AP4S1: variants seen among roughly 807,000 people sequenced by gnomAD.
AP4S1 encodes AP-4 complex subunit sigma-1.
In AP4S1, 23 loss-of-function variants were observed where a neutral mutation model predicts 19.8. That is an observed-to-expected ratio of 1.16 (90% CI 0.84 to 1.65). The LOEUF (loss-of-function observed/expected upper bound fraction) is 1.65, where lower values mean the gene tolerates loss of function less well. Among genes scored for constraint, AP4S1 ranks in the 40% most tolerant of loss-of-function variants. The pLI, the probability that AP4S1 is intolerant of heterozygous loss-of-function variation, is 0.00. For missense variants in AP4S1, 166 were observed against 172.8 expected, an observed-to-expected ratio of 0.96 and a Z score of 0.22; for synonymous variants, 46 against 54.1, an observed-to-expected ratio of 0.85 and a Z score of 0.66.
chr14:31,025,326 G>A (rs1346157106), upstream of AP4S1: 1 of 155,450 alleles, frequency 6.4e-6, no homozygotes, highest in Admixed American at 6.2e-5. Flanking sequence ...GTTGACGATG[G>A]GAAATAAAAC....
At chr14:31,086,894 TGTTG>T (rs1037051810) in intron 5 of AP4S1, among the ~76,000 whole-genome samples, 15 of 151,874 alleles carry the variant, frequency 9.9e-5, no homozygotes, top group Non-Finnish European at 2.1e-4. Flanking sequence ...GGTCTTGCTC[TGTTG>T]CCCAGGCTTG....
At chr14:31,054,757 A>G (rs191790912) in intron 1 of AP4S1, among the ~76,000 whole-genome samples, 2 of 150,296 alleles carry the variant, frequency 1.3e-5, no homozygotes, top group African/African-American at 4.9e-5. Flanking sequence ...AGTCCCAGCT[A>G]CTCTGGAGGC....
chr14:31,025,672 C>A lies in AP4S1; in HGVS notation c.-187C>A. On this transcript the variant is annotated 5_prime_UTR_variant, in exon 1 of 6. Transcript: ENST00000542754. ...ATACTAAAAGCCAAAATGGCTGCCC[C>A]GAGGAGGCCCGCACCGCGTAGCCAG... 3 of 654,136 alleles carry A rather than the reference C, an allele frequency of 4.6e-6. No individual in the cohort carries two copies. In the South Asian group the frequency reaches 6.0e-5, roughly 13 times the overall value. The allele number at this position is 654,136 out of a possible 1,614,324, so 40.5% of individuals were successfully genotyped here.
chr14:31,091,612 A>C (rs966762378), intron 5 of AP4S1, among the ~76,000 whole-genome samples: 6 of 151,694 alleles, frequency 4.0e-5, no homozygotes, highest in Non-Finnish European at 5.9e-5. Flanking sequence ...ATTTGCACAG[A>C]GCTTAATGAG....
At position 31,031,958 on chromosome 14, in the gene AP4S1, G is replaced by A. The variant is rs148695551; in HGVS notation, c.-72+6171G>A. ...CAAAAAATAAAACAATTAACTGGGC[G>A]TGGTGGCAGGTGCCTGTAGTCCCAG... On this transcript the variant is annotated intron_variant, in intron 1 of 5. Coordinates refer to ENST00000542754, the MANE Select transcript of AP4S1 (RefSeq NM_001128126.3). Among the ~76,000 whole-genome samples the A allele has an allele frequency of 2.5e-4, 38 of 152,100 alleles. No individual in the cohort carries two copies. The East Asian group carries it at 6.2e-3, about 25-fold the overall frequency.
In AP4S1 at chr14:31,040,148, C is replaced by CTTT. The variant is rs148109049; in HGVS notation, c.-72+14377_-72+14379dup. On this transcript the variant is annotated intron_variant, in intron 1 of 5. Transcript: ENST00000542754. ...TGTGTAAAGTCAAATTACTCTGCAT[C>CTTT]TTTTTTTTTTTTTTTTTTCCTGAGA... is the stretch of plus-strand genomic sequence containing the variant. Among the ~76,000 whole-genome samples the CTTT allele has an allele frequency of 3.2e-3, 412 of 129,492 alleles. 4 individuals are homozygous for CTTT. Among genetic ancestry groups the CTTT allele is most frequent in the African/African-American group, 1.0e-2 (345 of 34,530 alleles). The allele number at this position is 129,492 out of a possible 152,430, so 85.0% of individuals were successfully genotyped here.
At chr14:31,052,444 G>C (rs1203550494) in intron 1 of AP4S1, among the ~76,000 whole-genome samples, 1 of 151,942 alleles carries the variant, frequency 6.6e-6, no homozygotes, top group Non-Finnish European at 1.5e-5. Context: ...AAAATCATTG[G>C]CCAAGCATGG....
rs74877958 is a variant in AP4S1, at chr14:31,069,180, G to A, written c.139-663G>A. 6.8e-3 allele frequency among the ~76,000 whole-genome samples: 1,035 copies of A among 152,198 alleles called. 60 individuals carry two copies. In the East Asian group the frequency reaches 0.11, roughly 16 times the overall value. On this transcript the variant is annotated intron_variant, in intron 2 of 5. Coordinates refer to ENST00000542754, the MANE Select transcript of AP4S1 (RefSeq NM_001128126.3). Reference sequence around the variant, plus strand: ...ACTCAGCGCCTTCCCATAACTCTTTGTACAAAGGTGATAGGAAAGGGATGA... The same window carrying A: ...ACTCAGCGCCTTCCCATAACTCTTTATACAAAGGTGATAGGAAAGGGATGA...
At chr14:31,047,069 G>T (rs895903003) in intron 1 of AP4S1, among the ~76,000 whole-genome samples, 1 of 152,108 alleles carries the variant, frequency 6.6e-6, no homozygotes, top group African/African-American at 2.4e-5. Context: ...TCTTACTGGG[G>T]TTTAAAACCA....
At chr14:31,082,538 C>A (rs1411989889) in intron 5 of AP4S1, among the ~76,000 whole-genome samples, 4 of 152,222 alleles carry the variant, frequency 2.6e-5, no homozygotes, top group African/African-American at 9.6e-5. Flanking sequence ...GGTCTTGCCA[C>A]TGACTAGCTG....
chr14:31,044,216 A>AT (rs1487355642), intron 1 of AP4S1, among the ~76,000 whole-genome samples: 34 of 152,334 alleles, frequency 2.2e-4, no homozygotes, highest in African/African-American at 7.7e-4. Flanking sequence ...GTTAAGCAAA[A>AT]TGCACTTTAC....
At chr14:31,030,020 A>T (rs996591556) in intron 1 of AP4S1, among the ~76,000 whole-genome samples, 1 of 150,380 alleles carries the variant, frequency 6.6e-6, no homozygotes, top group Non-Finnish European at 1.5e-5. Flanking sequence ...TCACTCTGTC[A>T]CCCAGGCTGG....
chr14:31,067,208 CAA>C (rs55659438), intron 2 of AP4S1, among the ~76,000 whole-genome samples: 2,086 of 140,532 alleles, frequency 0.015, 17 homozygotes, highest in Middle Eastern at 0.021. Context: ...AACTCTGTCT[CAA>C]AAAAAAAAAA....
intron 4 of AP4S1, among the ~76,000 whole-genome samples, chr14:31,079,803 GC>G (rs1180859749): frequency 6.6e-6 from 1 of 152,100 alleles, no homozygotes; most frequent in Non-Finnish European, 1.5e-5. Context: ...TCCAGCCTGG[GC>G]GACAGACTGA....
At chr14:31,064,519 A>C (rs1158097134) in intron 1 of AP4S1, among the ~76,000 whole-genome samples, 1 of 152,084 alleles carries the variant, frequency 6.6e-6, no homozygotes, top group African/African-American at 2.4e-5. Flanking sequence ...CCAAGGATTC[A>C]CCATATTGGC....
intron 4 of AP4S1, among the ~76,000 whole-genome samples, chr14:31,075,796 A>G (rs982405267): frequency 6.6e-6 from 1 of 150,608 alleles, no homozygotes; most frequent in South Asian, 2.1e-4. Context: ...CTGGAGTGCA[A>G]TGGCGTGCTC....
At chr14:31,048,584 C>A (rs1885553175) in intron 1 of AP4S1, among the ~76,000 whole-genome samples, 3 of 151,916 alleles carry the variant, frequency 2.0e-5, no homozygotes, top group Admixed American at 1.3e-4. Flanking sequence ...GCCAAAAATA[C>A]AAAAATTAGC....
intron 1 of AP4S1, among the ~76,000 whole-genome samples, chr14:31,051,749 CT>C (rs1381555513): frequency 2.6e-5 from 4 of 152,180 alleles, no homozygotes; most frequent in Admixed American, 1.3e-4. Flanking sequence ...TAACTTCCCC[CT>C]CCCGGGTTCA....
intron 1 of AP4S1, chr14:31,026,171 G>A (rs905603102): frequency 1.6e-5 from 23 of 1,482,800 alleles, no homozygotes; most frequent in East Asian, 5.7e-5. Flanking sequence ...CACCGCCTCC[G>A]GCAAGCTCGT....
Sources: allele counts gnomAD v4.1 joint callset (sites outside exome capture counted in the v4.1 genomes callset), GRCh38; gene constraint gnomAD v4.1.1; transcripts MANE v1.5; gene names NCBI Gene and HGNC (gene_info 2026-07-23, HGNC 2026-07-21).